Variants in CFAP47 observed in about 807,000 individuals in gnomAD.
CFAP47 encodes cilia- and flagella-associated protein 47.
In CFAP47, 29 loss-of-function variants were observed where a neutral mutation model predicts 148.1. The ratio of observed to expected loss-of-function variants is 0.20; its 90% CI spans 0.15 to 0.27. The LOEUF is 0.27. CFAP47 is among the 10% of genes least tolerant of loss of function. The pLI, the probability that CFAP47 is intolerant of heterozygous loss-of-function variation, is 1.00. For missense variants in CFAP47, 1,872 were observed against 1,697.5 expected (o/e 1.10, Z -1.81); for synonymous variants, 664 against 577.3 (o/e 1.15, Z -2.15).
At chrX:36,069,431 T>C (rs1362959490) in intron 27 of CFAP47, among the ~76,000 whole-genome samples, 1 of 111,552 alleles carries the variant, frequency 9.0e-6, no homozygotes, top group Non-Finnish European at 1.9e-5. Flanking sequence ...TTAAAATAAA[T>C]AAATAAATAA....
At chrX:35,982,001 G>C (rs1200443667) in intron 15 of CFAP47, among the ~76,000 whole-genome samples, 2 of 111,818 alleles carry the variant, frequency 1.8e-5, no homozygotes, top group Non-Finnish European at 3.8e-5. Flanking sequence ...CATTATGGTA[G>C]AATGATGTAT....
chrX:35,995,983 G>T (rs1290346320), intron 18 of CFAP47, among the ~76,000 whole-genome samples: 1 of 111,601 alleles, frequency 9.0e-6, no homozygotes, highest in Admixed American at 9.6e-5. Flanking sequence ...ACGCAAGGGA[G>T]AGAGGGAGTT....
At chrX:36,354,966 C>T (rs921156869) in intron 60 of CFAP47, among the ~76,000 whole-genome samples, 12 of 110,955 alleles carry the variant, frequency 1.1e-4, no homozygotes, top group Non-Finnish European at 2.1e-4. Flanking sequence ...TGGTAGAAAA[C>T]ATTTGCAACC....
intron 26 of CFAP47, 83 bp from the exon 27 acceptor site, chrX:36,065,560 A>G: frequency 1.9e-6 from 1 of 515,226 alleles, no homozygotes; most frequent in Admixed American, 3.8e-5. Context: ...TTCATCATTA[A>G]GGGCATCTGG....
chrX:36,314,960 A>G (rs925457729), intron 56 of CFAP47, among the ~76,000 whole-genome samples: 2 of 111,685 alleles, frequency 1.8e-5, no homozygotes, highest in Non-Finnish European at 3.8e-5. Context: ...AGCTCAGAAG[A>G]TTTAAGCCAG....
At chrX:36,215,005 G>C (rs1198662187) in intron 45 of CFAP47, among the ~76,000 whole-genome samples, 1 of 111,488 alleles carries the variant, frequency 9.0e-6, no homozygotes, top group Non-Finnish European at 1.9e-5. Context: ...AAAGTTTTAT[G>C]AACTGTACAT....
At chrX:36,128,390 T>C in intron 33 of CFAP47, among the ~76,000 whole-genome samples, 1 of 111,570 alleles carries the variant, frequency 9.0e-6, no homozygotes, top group Middle Eastern at 4.6e-3. Flanking sequence ...TGCTTTGCGT[T>C]GTTCTGCACT....
Position 36,035,679 on chromosome X carries a change from TTG to T in CFAP47, c.3652-7_3652-6del. Reference sequence around the variant, plus strand: ...ATAATTTTAAACTTTTTTTGTCTTTTTGTGTGTGTGAGCAGAATCTTGTTTTA... The same window carrying T: ...ATAATTTTAAACTTTTTTTGTCTTTTTGTGTGTGAGCAGAATCTTGTTTTA... On this transcript the variant is annotated splice_polypyrimidine_tract_variant and intron_variant, in intron 23 of 63. Coordinates refer to ENST00000378653, the MANE Select transcript of CFAP47 (RefSeq NM_001304548.2). The T allele has an allele frequency of 3.4e-6, 1 of 295,088 alleles. No homozygotes were observed. The highest frequency in any genetic ancestry group is 4.8e-5 in the East Asian group (1 of 20,875). The allele number at this position is 295,088 out of a possible 1,213,427, so 24.3% of individuals were successfully genotyped here.
At chrX:35,924,090 CGT>C (rs1383950485) in intron 1 of CFAP47, among the ~76,000 whole-genome samples, 1 of 77,222 alleles carries the variant, frequency 1.3e-5, no homozygotes, top group African/African-American at 5.0e-5. Flanking sequence ...TACATGTATG[CGT>C]ACATATATGT....
intron 61 of CFAP47, among the ~76,000 whole-genome samples, chrX:36,365,307 G>A (rs782311932): frequency 4.5e-5 from 5 of 110,249 alleles, no homozygotes; most frequent in African/African-American, 6.6e-5. Flanking sequence ...CATTTTAGCA[G>A]CACCCTATTG....
chrX:36,277,359 G>A (rs1556002874), intron 49 of CFAP47, among the ~76,000 whole-genome samples: 8 of 111,787 alleles, frequency 7.2e-5, no homozygotes, highest in Non-Finnish European at 1.9e-5. Flanking sequence ...TGTCTTACAA[G>A]TATTCAAAGC....
chrX:35,922,092 G>A (rs1935587156), intron 1 of CFAP47, among the ~76,000 whole-genome samples: 1 of 110,105 alleles, frequency 9.1e-6, no homozygotes, highest in Non-Finnish European at 1.9e-5. Context: ...TGGCTTGTGT[G>A]GCCTCTGGTC....
At chrX:36,262,225 C>G (rs782165386) in intron 49 of CFAP47, among the ~76,000 whole-genome samples, 1 of 111,708 alleles carries the variant, frequency 9.0e-6, no homozygotes. Context: ...ACAAACAATC[C>G]AATTACAATC....
intron 57 of CFAP47, among the ~76,000 whole-genome samples, chrX:36,333,717 C>T (rs1556014411): frequency 9.1e-6 from 1 of 110,497 alleles, no homozygotes; most frequent in Non-Finnish European, 1.9e-5. Flanking sequence ...AACTTCAATC[C>T]CTCCATAATC....
rs753009035 is a variant in CFAP47 at position 36,057,262 on chromosome X, G to A, written c.4218-8381G>A. Among the ~76,000 whole-genome samples, 3 of 111,829 alleles carry A rather than the reference G, an allele frequency of 2.7e-5. No homozygotes were observed. In the East Asian group the frequency reaches 8.5e-4, roughly 32 times the overall value. On this transcript the variant is annotated intron_variant, in intron 26 of 63. Transcript: ENST00000378653. ...TTATGTGCAAGGTAATTATGACAAA[G>A]GGCAGAAGTAAAGAGACCAATGAAT... is the stretch of plus-strand genomic sequence containing the variant.
chrX:36,275,073 C>A (rs782335878), intron 49 of CFAP47, among the ~76,000 whole-genome samples: 1 of 111,149 alleles, frequency 9.0e-6, no homozygotes, highest in Non-Finnish European at 1.9e-5. Context: ...CAAGTGCTTT[C>A]TTTTTTCTTT....
chrX:36,345,764 C>A (rs782708542), intron 57 of CFAP47, among the ~76,000 whole-genome samples: 1 of 111,403 alleles, frequency 9.0e-6, no homozygotes, highest in African/African-American at 3.3e-5. Flanking sequence ...ATACTTAGCA[C>A]GGAGCCTGAA....
chrX:36,314,715 A>G (rs905116555), intron 56 of CFAP47, among the ~76,000 whole-genome samples: 8 of 111,457 alleles, frequency 7.2e-5, no homozygotes, highest in Non-Finnish European at 1.1e-4. Flanking sequence ...TCTATCTATC[A>G]TCTATCTACC....
chrX:36,289,780 T>C (rs1941174734), intron 51 of CFAP47, among the ~76,000 whole-genome samples: 1 of 112,334 alleles, frequency 8.9e-6, no homozygotes, highest in South Asian at 3.7e-4. Flanking sequence ...TCTGAATTGA[T>C]TTTGTACATA....
Sources: allele counts gnomAD v4.1 joint callset (sites outside exome capture counted in the v4.1 genomes callset), GRCh38; gene constraint gnomAD v4.1.1; transcripts MANE v1.5; gene names NCBI Gene and HGNC (gene_info 2026-07-23, HGNC 2026-07-21).